PPA2: variants seen among roughly 807,000 people sequenced by gnomAD.
PPA2 encodes inorganic pyrophosphatase 2.
A neutral mutation model predicts 49.5 loss-of-function variants in PPA2; 48 were observed. That is an observed-to-expected ratio of 0.97 (90% CI 0.77 to 1.23). The LOEUF (loss-of-function observed/expected upper bound fraction) is 1.23. Ranked by LOEUF, PPA2 falls within the 50% of genes most tolerant of loss-of-function variation. The pLI is 0.00. For missense variants in PPA2, 429 were observed against 410.1 expected (o/e 1.05, Z -0.40); for synonymous variants, 131 against 139.9 (o/e 0.94, Z 0.45).
chr4:105,409,820 G>A (rs1238351722), intron 7 of PPA2, among the ~76,000 whole-genome samples: 2 of 152,312 alleles, frequency 1.3e-5, no homozygotes, highest in African/African-American at 2.4e-5. Flanking sequence ...TGCAGCTGAG[G>A]GGCCTGTTAG....
intron 2 of PPA2, chr4:105,456,309 C>G (rs966200857): frequency 6.6e-6 from 3 of 453,128 alleles, no homozygotes; most frequent in Admixed American, 4.9e-5. Context: ...AGAAAAATAG[C>G]AACTCATAAC....
intron 5 of PPA2, among the ~76,000 whole-genome samples, chr4:105,443,891 T>C (rs1438681761): frequency 6.6e-6 from 1 of 152,194 alleles, no homozygotes; most frequent in Non-Finnish European, 1.5e-5. Flanking sequence ...TCACTTCCTT[T>C]AGATCTTTAC....
Position 105,438,042 on chromosome 4 carries a change from ATT to A in PPA2, c.442-8_442-7del. 3 of 1,491,310 alleles carry A rather than the reference ATT, an allele frequency of 2.0e-6. No homozygotes were observed. The highest frequency in any genetic ancestry group is 1.8e-6 in the Non-Finnish European group (2 of 1,095,320). The allele number at this position is 1,491,310 out of a possible 1,614,324, so 92.4% of individuals were successfully genotyped here. A position where few individuals can be genotyped will look rare whatever the true frequency, so the allele number is the denominator to read the frequency against. On this transcript the variant is annotated splice_region_variant and splice_polypyrimidine_tract_variant and intron_variant, in intron 5 of 11. Coordinates refer to ENST00000341695, the MANE Select transcript of PPA2 (RefSeq NM_176869.3). Reference sequence around the variant, plus strand: ...TCATGGGGATCTTCCCAAGTCTAAAATTTTTTTTTTAAAAAAAAGCAGAAATG... The same window carrying A: ...TCATGGGGATCTTCCCAAGTCTAAAATTTTTTTTAAAAAAAAGCAGAAATG...
chr4:105,410,223 C>T (rs113479283), intron 7 of PPA2, among the ~76,000 whole-genome samples: 27,687 of 152,104 alleles, frequency 0.18, 2,901 homozygotes, highest in African/African-American at 0.28. Flanking sequence ...CCTTAAATGA[C>T]CTGATGGAGC....
At chr4:105,373,599 T>C (rs2636693) in intron 10 of PPA2, among the ~76,000 whole-genome samples, 19,401 of 152,128 alleles carry the variant, frequency 0.13, 1,595 homozygotes, top group East Asian at 0.43. Flanking sequence ...CTCGTTAACC[T>C]AAAAAGTATT....
At chr4:105,401,838 T>C (rs1722205544) in intron 7 of PPA2, among the ~76,000 whole-genome samples, 1 of 152,206 alleles carries the variant, frequency 6.6e-6, no homozygotes. Context: ...ACATTCTGAT[T>C]AATGTTCACA....
At chr4:105,455,004 C>T (rs1722823459) in intron 2 of PPA2, among the ~76,000 whole-genome samples, 1 of 152,178 alleles carries the variant, frequency 6.6e-6, no homozygotes, top group Non-Finnish European at 1.5e-5. Flanking sequence ...ACACTACCCA[C>T]CAGTCACATT....
rs564161727 is a variant in PPA2, at chr4:105,428,035, T to G, written c.529-3713A>C. ...ACCCTACAAGCCAGAAGAGAGTGGGTGCCAATATTCAACATTCTTAAAGAA... is the reference window on the plus strand; with the variant it reads ...ACCCTACAAGCCAGAAGAGAGTGGGGGCCAATATTCAACATTCTTAAAGAA... On this transcript the variant is annotated intron_variant, in intron 6 of 11. Coordinates refer to ENST00000341695, the MANE Select transcript of PPA2 (RefSeq NM_176869.3). 6.6e-5 allele frequency among the ~76,000 whole-genome samples: 10 copies of G among 152,274 alleles called. No individual in the cohort carries two copies. In the South Asian group the frequency reaches 1.9e-3, roughly 28 times the overall value.
At chr4:105,463,481 T>C (rs1228292499) in intron 1 of PPA2, among the ~76,000 whole-genome samples, 1 of 152,182 alleles carries the variant, frequency 6.6e-6, no homozygotes, top group African/African-American at 2.4e-5. Flanking sequence ...GAAAATCCCA[T>C]TTTTTGAGAA....
chr4:105,393,047 A>C (rs2713854), intron 9 of PPA2, among the ~76,000 whole-genome samples: 56,307 of 152,078 alleles, frequency 0.37, 12,386 homozygotes, highest in East Asian at 0.68. Flanking sequence ...AAAATGAGTA[A>C]AGGTCTAGAG....
rs749158747 is a variant in PPA2, at chr4:105,456,690, G to C, written c.213C>G (p.Asn71Lys). The C allele has an allele frequency of 1.2e-6, 2 of 1,603,560 alleles. No homozygotes were observed. The highest frequency in any genetic ancestry group is 2.7e-5 in the African/African-American group (2 of 74,510). The change falls in exon 2 of 12, where the codon AAC becomes AAG. Residue 71 changes from asparagine (N) to lysine (K), a missense_variant. Physicochemically the swap from Asn to Lys is moderately conservative, Grantham distance 94. Coordinates refer to ENST00000341695, the MANE Select transcript of PPA2 (RefSeq NM_176869.3). ...CAAGTCAAAACAATACCTCTTTAGAGTTCACCTTCAGAGGAATATCATGAA... is the reference window on the plus strand; with the variant it reads ...CAAGTCAAAACAATACCTCTTTAGACTTCACCTTCAGAGGAATATCATGAA... ...SPFHDIPLKV[N>K]SKEENGIPMK...
chr4:105,398,997 A>G, intron 8 of PPA2, 40 bp downstream of exon 8: 4 of 1,588,786 alleles, frequency 2.5e-6, no homozygotes, highest in Non-Finnish European at 3.4e-6. Context: ...TTGTACAGGT[A>G]TCAGGAGGTA....
intron 10 of PPA2, among the ~76,000 whole-genome samples, chr4:105,374,001 T>A (rs890018544): frequency 1.3e-5 from 2 of 152,152 alleles, no homozygotes; most frequent in African/African-American, 2.4e-5. Context: ...AACATTTACT[T>A]ACAGAAAATG....
At chr4:105,438,184 A>C in intron 5 of PPA2, 148 bp from the exon 6 acceptor site, 1 of 599,234 alleles carries the variant, frequency 1.7e-6, no homozygotes, top group Non-Finnish European at 2.9e-6. Context: ...CCAACAGGCC[A>C]GTATGTCCCT....
intron 7 of PPA2, among the ~76,000 whole-genome samples, chr4:105,406,185 G>A (rs560498408): frequency 1.4e-3 from 212 of 148,006 alleles, no homozygotes; most frequent in African/African-American, 5.0e-3. Context: ...GCAGAACGTG[G>A]ATATGGCAGG....
chr4:105,370,580 G>A, intron 11 of PPA2: 1 of 971,994 alleles, frequency 1.0e-6, no homozygotes, highest in Non-Finnish European at 1.2e-6. Context: ...GAATATCTCA[G>A]TACTTCAGCG....
Position 105,424,463 on chromosome 4 carries a change from C to T in PPA2, c.529-141G>A, listed in dbSNP as rs912717789. On this transcript the variant is annotated intron_variant, in intron 6 of 11. Transcript: ENST00000341695. The stretch of plus-strand genomic sequence containing the variant: ...TAATTAAAAATAATATGAAAATAGC[C>T]AAAGTCTGCCTTGCAATGTCCCTTT... 24 of 772,460 alleles carry T rather than the reference C, an allele frequency of 3.1e-5. No individual in the cohort carries two copies. The African/African-American group carries it at 4.4e-4, about 14-fold the overall frequency. The allele number at this position is 772,460 out of a possible 1,614,324, so 47.9% of individuals were successfully genotyped here.
chr4:105,377,435 G>T (rs761072346), intron 10 of PPA2, among the ~76,000 whole-genome samples: 1 of 152,008 alleles, frequency 6.6e-6, no homozygotes, highest in Non-Finnish European at 1.5e-5. Context: ...TAAATAAGAA[G>T]TCAAAGATGT....
chr4:105,379,475 C>T (rs1425963630), intron 10 of PPA2, among the ~76,000 whole-genome samples: 1 of 144,324 alleles, frequency 6.9e-6, no homozygotes, highest in African/African-American at 2.6e-5. Flanking sequence ...ATATCTCAAG[C>T]AACTATTTTT....
Sources: allele counts gnomAD v4.1 joint callset (sites outside exome capture counted in the v4.1 genomes callset), GRCh38; gene constraint gnomAD v4.1.1; transcripts MANE v1.5; gene names NCBI Gene and HGNC (gene_info 2026-07-23, HGNC 2026-07-21).